Variants in TAB1 observed in about 807,000 individuals in gnomAD.
The protein encoded by TAB1 is TGF-beta activated kinase 1 (MAP3K7) binding protein 1, also known as TGF-beta-activated kinase 1 and MAP3K7-binding protein 1.
A neutral mutation model predicts 54.5 loss-of-function variants in TAB1; 30 were observed. The observed-to-expected ratio is 0.55, with a 90% CI of 0.41 to 0.75. The LOEUF is 0.75. Among genes scored for constraint, TAB1 ranks in the 30% least tolerant of loss-of-function variants. The pLI is 0.00. For synonymous variants in TAB1, 289 were observed against 286.9 expected, an observed-to-expected ratio of 1.01 and a Z score of -0.07; for missense variants, 609 against 683.2, an observed-to-expected ratio of 0.89 and a Z score of 1.21.
chr22:39,416,999 G>C, intron 4 of TAB1, 122 bp downstream of exon 4: 1 of 889,036 alleles, frequency 1.1e-6, no homozygotes, highest in East Asian at 2.6e-5. Flanking sequence ...AGCAGTTCCT[G>C]ATGGGTGACA....
At chr22:39,431,932 G>A, downstream of TAB1, 1 of 951,670 alleles carries the variant, frequency 1.1e-6, no homozygotes, top group Non-Finnish European at 1.3e-6. Flanking sequence ...CTGGGAAGTG[G>A]ACGCCTCCCC....
Position 39,415,548 on chromosome 22 carries a change from C to T in TAB1, c.219C>T (p.Gly73=), listed in dbSNP as rs771812587. 1 of 1,614,136 alleles carries T rather than the reference C, an allele frequency of 6.2e-7. No homozygotes were observed. The highest frequency in any genetic ancestry group is 8.5e-7 in the Non-Finnish European group (1 of 1,180,060). Residue 73 remains glycine, a synonymous_variant, in exon 3 of 11, where the codon GGC becomes GGT. Transcript: ENST00000216160. The surrounding 1 kb of genome is among the most constrained non-coding windows in gnomAD (Gnocchi z 4.9). The part of the protein sequence containing the change: ...FLYGVFNGYD[G]NRVTNFVAQR... ...ATGGGGTCTTCAACGGCTATGATGG[C>T]AACCGAGTGACCAACTTCGTGGCCC...
At chr22:39,428,656 AGACCTGCCT>A in intron 10 of TAB1, among the ~76,000 whole-genome samples, 1 of 152,170 alleles carries the variant, frequency 6.6e-6, no homozygotes, top group African/African-American at 2.4e-5. Context: ...CTCCAGCCGC[AGACCTGCCT>A]GACAGGTCTG....
chr22:39,417,975 G>C, intron 5 of TAB1, 126 bp downstream of exon 5: 1 of 1,229,444 alleles, frequency 8.1e-7, no homozygotes, highest in Non-Finnish European at 1.1e-6. Context: ...TCCTGAGACC[G>C]TTGGGTATGT....
intron 1 of TAB1, among the ~76,000 whole-genome samples, chr22:39,412,553 C>G (rs1926653450): frequency 6.6e-6 from 1 of 152,066 alleles, no homozygotes; most frequent in Non-Finnish European, 1.5e-5. Flanking sequence ...AACTCCCACA[C>G]CCTGCAGAAG....
rs780283214 is a variant in TAB1, at chr22:39,426,750, G to A, written c.969G>A (p.Leu323=). 5 of 1,613,346 alleles carry A rather than the reference G, an allele frequency of 3.1e-6. No individual in the cohort carries two copies. The African/African-American group carries it at 6.7e-5, about 22-fold the overall frequency. Residue 323 remains leucine, a synonymous_variant, in exon 9 of 11, where the codon CTG becomes CTA. Coordinates refer to ENST00000216160, the MANE Select transcript of TAB1 (RefSeq NM_006116.3). ...IDTEFAKQTS[L]DAVAQAVVDR... ...CTGAGTTTGCCAAGCAGACCTCCCT[G>A]GACGCAGTGGCCCAGGCCGTCGTGG...
Position 39,426,695 on chromosome 22 carries a change from T to A in TAB1, c.922-8T>A. The stretch of plus-strand genomic sequence containing the variant: ...TCCTTACCAGGTTCTTCCTACCCCC[T>A]CCCCCAGGAGATTGCTGCGATGATT... On this transcript the variant is annotated splice_region_variant and splice_polypyrimidine_tract_variant and intron_variant, in intron 8 of 10. Coordinates refer to ENST00000216160, the MANE Select transcript of TAB1 (RefSeq NM_006116.3). 6.3e-7 allele frequency: 1 copy of A among 1,590,590 alleles called. No homozygotes were observed. The highest frequency in any genetic ancestry group is 8.6e-7 in the Non-Finnish European group (1 of 1,162,374).
chr22:39,421,392 C>T (rs1262675398), intron 7 of TAB1, among the ~76,000 whole-genome samples: 3 of 152,270 alleles, frequency 2.0e-5, no homozygotes, highest in Non-Finnish European at 2.9e-5. Flanking sequence ...TGACTCTGAC[C>T]CCAGTCACTA....
At chr22:39,424,903 A>C (rs1378257723) in intron 8 of TAB1, among the ~76,000 whole-genome samples, 1 of 152,106 alleles carries the variant, frequency 6.6e-6, no homozygotes, top group African/African-American at 2.4e-5. Context: ...CTTAGTGTTG[A>C]AACTGAGCCC....
intron 6 of TAB1, 87 bp from the exon 7 acceptor site, chr22:39,419,432 T>G: frequency 8.6e-7 from 1 of 1,157,278 alleles, no homozygotes; most frequent in East Asian, 2.5e-5. Flanking sequence ...CCTTATTGCC[T>G]TCTTCCCATG....
intron 1 of TAB1, among the ~76,000 whole-genome samples, chr22:39,409,424 A>G (rs1926513493): frequency 6.6e-6 from 1 of 152,132 alleles, no homozygotes; most frequent in Non-Finnish European, 1.5e-5. Context: ...CTGGTTATTA[A>G]CTCATTCCCA....
At chr22:39,416,255 TC>T (rs1926828938) in intron 3 of TAB1, among the ~76,000 whole-genome samples, 1 of 152,198 alleles carries the variant, frequency 6.6e-6, no homozygotes, top group African/African-American at 2.4e-5. Context: ...TCTCAGCAGA[TC>T]TCACACAGGG....
At chr22:39,402,484 G>A (rs919473816) in intron 1 of TAB1, among the ~76,000 whole-genome samples, 1 of 152,176 alleles carries the variant, frequency 6.6e-6, no homozygotes, top group Non-Finnish European at 1.5e-5. Context: ...GGGCCACTTG[G>A]TAGATCACTT....
rs139165787 is a variant in TAB1 at position 39,430,105 on chromosome 22, C to T, written c.1398C>T (p.Pro466=). 2.7e-5 allele frequency: 44 copies of T among 1,613,956 alleles called. No individual in the cohort carries two copies. Among genetic ancestry groups the T allele is most frequent in the African/African-American group, 2.3e-4 (17 of 74,956 alleles). Residue 466 remains proline (P), a synonymous_variant, in exon 11 of 11, where the codon CCC becomes CCT. Coordinates refer to ENST00000216160, the MANE Select transcript of TAB1 (RefSeq NM_006116.3). The stretch of plus-strand genomic sequence containing the variant: ...ACGGAGGCCTCTTCCGCTCCCGGCC[C>T]GCCCACTCGCTCCCGCCTGGCGAGG... ...SSDGGLFRSR[P]AHSLPPGEDG...
chr22:39,422,900 G>C (rs888306814), intron 8 of TAB1, among the ~76,000 whole-genome samples: 2 of 151,940 alleles, frequency 1.3e-5, no homozygotes, highest in African/African-American at 2.4e-5. Flanking sequence ...TTGGATTGCT[G>C]ACTGGCTAAG....
At chr22:39,421,023 AGGTGCTGGTGTGTCC>A (rs1569199461) in intron 7 of TAB1, among the ~76,000 whole-genome samples, 37 of 149,280 alleles carry the variant, frequency 2.5e-4, no homozygotes, top group Middle Eastern at 3.5e-3. Context: ...TGCCCCTCCC[AGGTGCTGGTGTGTCC>A]TGCCCCTCCC....
chr22:39,428,109 G>A lies in TAB1; in HGVS notation c.1233G>A (p.Met411Ile), dbSNP rs1362355780. 3 of 1,613,710 alleles carry A rather than the reference G, an allele frequency of 1.9e-6. No individual in the cohort carries two copies. In the African/African-American group the frequency reaches 4.0e-5, roughly 22 times the overall value. Reference protein sequence around the residue: ...SKTSVTLSLVMPSQGQMVNGA... With the variant: ...SKTSVTLSLVIPSQGQMVNGA... ...CCAGCGTGACCCTCTCCCTTGTCATGCCCTCCCAGGGCCAGATGGTCAACG... is the reference window on the plus strand; with the variant it reads ...CCAGCGTGACCCTCTCCCTTGTCATACCCTCCCAGGGCCAGATGGTCAACG... Residue 411 changes from methionine (M) to isoleucine (I), a missense_variant, in exon 10 of 11, where the codon ATG becomes ATA. Met to Ile is a conservative substitution (Grantham distance 10). Coordinates refer to ENST00000216160, the MANE Select transcript of TAB1 (RefSeq NM_006116.3).
chr22:39,416,997 C>A, intron 4 of TAB1, 120 bp downstream of exon 4: 2 of 908,536 alleles, frequency 2.2e-6, no homozygotes, highest in Non-Finnish European at 1.7e-6. Flanking sequence ...GGAGCAGTTC[C>A]TGATGGGTGA....
chr22:39,424,158 G>T (rs993629965), intron 8 of TAB1, among the ~76,000 whole-genome samples: 1 of 152,138 alleles, frequency 6.6e-6, no homozygotes, highest in Non-Finnish European at 1.5e-5. Context: ...CATCCAAGTT[G>T]CTGCAAAAGA....
Sources: allele counts gnomAD v4.1 joint callset (sites outside exome capture counted in the v4.1 genomes callset), GRCh38; gene constraint gnomAD v4.1.1; non-coding constraint Gnocchi (gnomAD v3.1); transcripts MANE v1.5; gene names NCBI Gene and HGNC (gene_info 2026-07-23, HGNC 2026-07-21).